Variants in SUSD6 observed in about 807,000 individuals in gnomAD.
SUSD6 encodes the protein sushi domain-containing protein 6.
SUSD6 carries 16 observed loss-of-function variants against 28.4 expected under a neutral mutation model. That is an observed-to-expected ratio of 0.56 (90% CI 0.38 to 0.86). The LOEUF (loss-of-function observed/expected upper bound fraction) is 0.86. SUSD6 is among the 40% of genes least tolerant of loss of function. SUSD6 has a pLI of 0.00. For missense variants in SUSD6, 341 were observed against 384.2 expected, an observed-to-expected ratio of 0.89 and a Z score of 0.94; for synonymous variants, 147 against 159.6, an observed-to-expected ratio of 0.92 and a Z score of 0.59.
At position 69,611,821 on chromosome 14, in the gene SUSD6, G is replaced by C. The variant is rs1595025592; in HGVS notation, c.-88G>C. On this transcript the variant is annotated 5_prime_UTR_variant, in exon 1 of 6. Coordinates refer to ENST00000342745, the MANE Select transcript of SUSD6 (RefSeq NM_014734.4). ...GCCCCCATCCCGGAGGTCTCCGCCG[G>C]CTCCCGGGTGAGTTGTCACCGCGGC... 2.6e-5 allele frequency: 4 copies of C among 151,688 alleles called. No individual in the cohort carries two copies. Among genetic ancestry groups the C allele is most frequent in the Admixed American group, 2.6e-4 (4 of 15,254 alleles). 9.4% of individuals were successfully genotyped at this position (151,688 alleles called of 1,614,324 possible). A position where few individuals can be genotyped will look rare whatever the true frequency, so the allele number is the denominator to read the frequency against.
At chr14:69,662,192 G>T (rs1439585625) in intron 2 of SUSD6, among the ~76,000 whole-genome samples, 1 of 152,170 alleles carries the variant, frequency 6.6e-6, no homozygotes, top group African/African-American at 2.4e-5. Flanking sequence ...CCAGTGGGCT[G>T]TAGTAGACCC....
chr14:69,638,930 G>A (rs182130628), intron 1 of SUSD6, among the ~76,000 whole-genome samples: 42 of 152,298 alleles, frequency 2.8e-4, no homozygotes, highest in African/African-American at 9.9e-4. Flanking sequence ...CTTTGGTCCA[G>A]TTTGGTTTCC....
chr14:69,623,497 C>G (rs1312823066), intron 1 of SUSD6, among the ~76,000 whole-genome samples: 1 of 152,102 alleles, frequency 6.6e-6, no homozygotes, highest in African/African-American at 2.4e-5. Flanking sequence ...AACAGTGTTT[C>G]TGGTTTATAT....
chr14:69,680,182 A>T lies in SUSD6; in HGVS notation c.121+21469A>T, dbSNP rs141154256. ...GGCCCAGAACCCACCAGTGACAGGG[A>T]TTCTGGAAGCAAAATCCCTCTCTGC... On this transcript the variant is annotated intron_variant, in intron 2 of 5. Transcript: ENST00000342745. Among the ~76,000 whole-genome samples the T allele has an allele frequency of 2.6e-5, 4 of 152,206 alleles. No individual in the cohort carries two copies. The East Asian group carries it at 7.7e-4, about 29-fold the overall frequency.
Position 69,639,188 on chromosome 14 carries a change from C to T in SUSD6, c.-80-19325C>T, listed in dbSNP as rs549295968. Among the ~76,000 whole-genome samples, 36 of 151,732 alleles carry T rather than the reference C, an allele frequency of 2.4e-4. No homozygotes were observed. In the East Asian group the frequency reaches 5.6e-3, roughly 24 times the overall value. On this transcript the variant is annotated intron_variant, in intron 1 of 5. Coordinates refer to ENST00000342745, the MANE Select transcript of SUSD6 (RefSeq NM_014734.4). ...CTAAAAATACAAAAAATTAGCCAGGCGTTGTGGCGGGCACCTGTAGTCCCA... is the reference window on the plus strand; with the variant it reads ...CTAAAAATACAAAAAATTAGCCAGGTGTTGTGGCGGGCACCTGTAGTCCCA...
chr14:69,679,835 A>G (rs1484500533), intron 2 of SUSD6, among the ~76,000 whole-genome samples: 15 of 152,206 alleles, frequency 9.9e-5, no homozygotes, highest in Admixed American at 9.8e-4. Context: ...ATGGGCTTTT[A>G]TATTTTCTCG....
chr14:69,700,656 T>A (rs1220344161), intron 2 of SUSD6, among the ~76,000 whole-genome samples: 1 of 152,216 alleles, frequency 6.6e-6, no homozygotes, highest in Non-Finnish European at 1.5e-5. Flanking sequence ...CCATCTGAAG[T>A]GCTACTTCCT....
intron 1 of SUSD6, among the ~76,000 whole-genome samples, chr14:69,649,275 T>C (rs1167093130): frequency 6.6e-6 from 1 of 152,222 alleles, no homozygotes; most frequent in Non-Finnish European, 1.5e-5. Flanking sequence ...AATTGCAGTA[T>C]AGTCATTGGA....
chr14:69,614,383 T>G (rs971684628), intron 1 of SUSD6, among the ~76,000 whole-genome samples: 3 of 152,250 alleles, frequency 2.0e-5, no homozygotes, highest in African/African-American at 7.2e-5. Flanking sequence ...TGTGTTCTTA[T>G]GTAATGTTGC....
intron 1 of SUSD6, among the ~76,000 whole-genome samples, chr14:69,625,083 A>G (rs889209904): frequency 1.3e-5 from 2 of 152,230 alleles, no homozygotes; most frequent in Non-Finnish European, 2.9e-5. Context: ...TTGGGGAAGT[A>G]TTAATTAGTG....
In SUSD6 at chr14:69,703,469, G is replaced by T; in HGVS notation, c.196G>T (p.Ala66Ser). The T allele has an allele frequency of 6.2e-7, 1 of 1,614,176 alleles. No homozygotes were observed. Among genetic ancestry groups the T allele is most frequent in the African/African-American group, 1.3e-5 (1 of 75,050 alleles). ...CCGGCCCTGCAGAGACCCCCTGACA[G>T]CAGGCAGTGTCATCGAATACCTGTG... Reference protein sequence around the residue: ...HPRPCRDPLTAGSVIEYLCAE... With the variant: ...HPRPCRDPLTSGSVIEYLCAE... Residue 66 changes from alanine (A) to serine (S), a missense_variant, in exon 3 of 6, where the codon GCA becomes TCA. Coordinates refer to ENST00000342745, the MANE Select transcript of SUSD6 (RefSeq NM_014734.4).
intron 1 of SUSD6, among the ~76,000 whole-genome samples, chr14:69,616,543 G>A (rs1252165232): frequency 5.3e-5 from 8 of 152,160 alleles, no homozygotes; most frequent in African/African-American, 1.9e-4. Context: ...AGTGGACGGA[G>A]GCTTGTAAAA....
chr14:69,635,956 C>A (rs1885260053), intron 1 of SUSD6, among the ~76,000 whole-genome samples: 1 of 152,226 alleles, frequency 6.6e-6, no homozygotes, highest in African/African-American at 2.4e-5. Context: ...GCTTCAGGGT[C>A]ATAGAACTGA....
chr14:69,647,246 C>T (rs1885441115), intron 1 of SUSD6, among the ~76,000 whole-genome samples: 1 of 152,280 alleles, frequency 6.6e-6, no homozygotes. Context: ...ATCAGGAAGA[C>T]TCTTTTGAAA....
intron 1 of SUSD6, among the ~76,000 whole-genome samples, chr14:69,626,404 A>C (rs76610687): frequency 6.6e-6 from 1 of 152,320 alleles, no homozygotes; most frequent in Non-Finnish European, 1.5e-5. Context: ...CTCAGTTTGC[A>C]CAGTGGACTG....
At chr14:69,648,903 A>T (rs988842936) in intron 1 of SUSD6, among the ~76,000 whole-genome samples, 1 of 152,124 alleles carries the variant, frequency 6.6e-6, no homozygotes, top group African/African-American at 2.4e-5. Context: ...TCTCTCTGCC[A>T]TCCTTTTGGT....
chr14:69,663,515 C>G (rs1885692977), intron 2 of SUSD6, among the ~76,000 whole-genome samples: 1 of 152,142 alleles, frequency 6.6e-6, no homozygotes, highest in Non-Finnish European at 1.5e-5. Flanking sequence ...TTGGAAGGAC[C>G]CTCGAGTCAG....
chr14:69,628,326 C>G (rs955484533), intron 1 of SUSD6, among the ~76,000 whole-genome samples: 2 of 152,186 alleles, frequency 1.3e-5, no homozygotes, highest in African/African-American at 2.4e-5. Context: ...AAGTGACCAG[C>G]CTTCTCTCTC....
chr14:69,671,585 T>TG (rs1374890574), intron 2 of SUSD6, among the ~76,000 whole-genome samples: 1 of 151,884 alleles, frequency 6.6e-6, no homozygotes, highest in Non-Finnish European at 1.5e-5. Flanking sequence ...GGCTGGAGGG[T>TG]GTCAGAGGTT....
Sources: allele counts gnomAD v4.1 joint callset (sites outside exome capture counted in the v4.1 genomes callset), GRCh38; gene constraint gnomAD v4.1.1; transcripts MANE v1.5; gene names NCBI Gene and HGNC (gene_info 2026-07-23, HGNC 2026-07-21).